Variants in NOC3L observed in about 807,000 individuals in gnomAD.
The protein encoded by NOC3L is nucleolar complex protein 3 homolog.
NOC3L carries 85 observed loss-of-function variants against 102.5 expected under a neutral mutation model. That is an observed-to-expected ratio of 0.83 (90% CI 0.70 to 0.99). NOC3L has a LOEUF of 0.99. Ranked by LOEUF, NOC3L falls within the 50% of genes least tolerant of loss-of-function variation. The pLI is 0.00. For missense variants in NOC3L, 878 were observed against 914.9 expected (o/e 0.96, Z 0.52); for synonymous variants, 303 against 309.4 (o/e 0.98, Z 0.22).
intron 10 of NOC3L, among the ~76,000 whole-genome samples, chr10:94,347,055 G>C (rs1013835335): frequency 6.6e-6 from 1 of 152,118 alleles, no homozygotes; most frequent in African/African-American, 2.4e-5. Context: ...AACTAATTTG[G>C]AAACTGGTGT....
rs1307395008 is a variant in NOC3L, at chr10:94,344,466, T to G, written c.1520A>C (p.Lys507Thr). The G allele has an allele frequency of 2.5e-6, 4 of 1,613,802 alleles. No individual in the cohort carries two copies. Among genetic ancestry groups the G allele is most frequent in the Non-Finnish European group, 3.4e-6 (4 of 1,179,824 alleles). Residue 507 changes from lysine to threonine, a missense_variant, in exon 13 of 21, where the codon AAG becomes ACG. Coordinates refer to ENST00000371361, the MANE Select transcript of NOC3L (RefSeq NM_022451.11). ...CAGGAGAGGTGACCTCTGGGCCTTC[T>G]TCAATATTCTGAAGTAGGTTACAAA... ...IVFVTYFRILKKAQRSPLLPA... is the reference protein window; with the variant it reads ...IVFVTYFRILTKAQRSPLLPA...
chr10:94,348,828 T>C (rs770839012), intron 10 of NOC3L, among the ~76,000 whole-genome samples: 1 of 152,052 alleles, frequency 6.6e-6, no homozygotes, highest in Non-Finnish European at 1.5e-5. Context: ...AAAAATAATA[T>C]GGCCAAAATG....
At position 94,356,522 on chromosome 10, in the gene NOC3L, A is replaced by G; in HGVS notation, c.565+13T>C. 6.6e-7 allele frequency: 1 copy of G among 1,522,038 alleles called. No individual in the cohort carries two copies. 94.3% of individuals were successfully genotyped at this position (1,522,038 alleles called of 1,614,324 possible). A position where few individuals can be genotyped will look rare whatever the true frequency, so the allele number is the denominator to read the frequency against. On this transcript the variant is annotated intron_variant, in intron 5 of 20. Transcript: ENST00000371361. The stretch of plus-strand genomic sequence containing the variant: ...TCTCAATTAACAATTTAGTAACTGT[A>G]AAGACATATTACCTTCCTCAAGTTC...
chr10:94,324,000 C>G, the NOC3L span, among the ~76,000 whole-genome samples: 1 of 152,188 alleles, frequency 6.6e-6, no homozygotes, highest in Admixed American at 6.5e-5. Flanking sequence ...ACTTTCATGT[C>G]TGTGAGCGCT....
chr10:94,320,346 T>C, the NOC3L span, among the ~76,000 whole-genome samples: 1 of 151,412 alleles, frequency 6.6e-6, no homozygotes, highest in East Asian at 1.9e-4. Context: ...AAATAGATTA[T>C]ATATCTTTAT....
At chr10:94,347,451 C>T (rs1241626748) in intron 10 of NOC3L, among the ~76,000 whole-genome samples, 4 of 152,128 alleles carry the variant, frequency 2.6e-5, no homozygotes, top group Non-Finnish European at 4.4e-5. Context: ...TCTAGCATCA[C>T]GAAAGTTAAA....
At chr10:94,327,054 C>T in the NOC3L span, among the ~76,000 whole-genome samples, 1 of 152,002 alleles carries the variant, frequency 6.6e-6, no homozygotes, top group Non-Finnish European at 1.5e-5. Flanking sequence ...CCCAGCTACT[C>T]GGGAGGCTGA....
intron 2 of NOC3L, among the ~76,000 whole-genome samples, chr10:94,359,141 T>C (rs2054523135): frequency 6.6e-6 from 1 of 152,196 alleles, no homozygotes; most frequent in African/African-American, 2.4e-5. Flanking sequence ...CTCGTAAATC[T>C]TGGCTGAGCG....
At chr10:94,354,683 A>C (rs2054461830) in intron 6 of NOC3L, among the ~76,000 whole-genome samples, 1 of 152,202 alleles carries the variant, frequency 6.6e-6, no homozygotes, top group Admixed American at 6.5e-5. Context: ...TATAAATTTA[A>C]ACATTTTTAG....
chr10:94,341,526 T>C (rs1432267196), intron 14 of NOC3L, 147 bp downstream of exon 14: 7 of 395,138 alleles, frequency 1.8e-5, no homozygotes, highest in African/African-American at 4.2e-5. Flanking sequence ...GTGGTAATCA[T>C]ATGATCATAG....
At chr10:94,338,230 T>C (rs1329754674) in intron 18 of NOC3L, among the ~76,000 whole-genome samples, 1 of 152,240 alleles carries the variant, frequency 6.6e-6, no homozygotes, top group Non-Finnish European at 1.5e-5. Context: ...GTAGGATCAC[T>C]GCATAGGTGA....
rs774725524 is a variant in NOC3L, at chr10:94,340,517, G to A, written c.1645-21C>T. On this transcript the variant is annotated intron_variant, in intron 14 of 20. Transcript: ENST00000371361. ...AGGTCCTTTAAAAAAAAAAGGGGGG[G>A]GTGAGGGGGATGGAATATTAAGAAT... 1.7e-5 allele frequency: 19 copies of A among 1,143,240 alleles called. 1 individual carries two copies. Among genetic ancestry groups the A allele is most frequent in the African/African-American group, 6.5e-5 (4 of 61,856 alleles). 70.8% of individuals were successfully genotyped at this position (1,143,240 alleles called of 1,614,324 possible).
At chr10:94,319,471 C>T in the NOC3L span, among the ~76,000 whole-genome samples, 1 of 152,288 alleles carries the variant, frequency 6.6e-6, no homozygotes, top group South Asian at 2.1e-4. Context: ...TTCAGTTGCT[C>T]TCTGTGACCT....
Position 94,337,758 on chromosome 10 carries a change from A to G in NOC3L, c.2189+19T>C. ...AGCTCAATTCTGTAGTTTTAGAATA[A>G]GGCAATGCTAAATATTACCTTCGAC... On this transcript the variant is annotated intron_variant, in intron 19 of 20. Transcript: ENST00000371361. The G allele has an allele frequency of 6.5e-7, 1 of 1,531,766 alleles. No homozygotes were observed. The highest frequency in any genetic ancestry group is 9.0e-7 in the Non-Finnish European group (1 of 1,106,384). The allele number at this position is 1,531,766 out of a possible 1,614,324, so 94.9% of individuals were successfully genotyped here.
downstream of NOC3L, chr10:94,328,962 T>C (rs180741845): frequency 2.8e-4 from 42 of 152,360 alleles, no homozygotes; most frequent in Admixed American, 7.2e-4. Flanking sequence ...CAAAAGTAGA[T>C]TGAGTTGGCG....
chr10:94,362,737 G>T (rs376234663), intron 1 of NOC3L, 93 bp downstream of exon 1: 4 of 1,393,462 alleles, frequency 2.9e-6, no homozygotes, highest in Admixed American at 3.4e-5. Flanking sequence ...CCCTAGACAC[G>T]GGTGAAAACC....
chr10:94,324,649 A>G, the NOC3L span: 1 of 1,222,916 alleles, frequency 8.2e-7, no homozygotes, highest in African/African-American at 1.5e-5. Flanking sequence ...GAAGCTGGTG[A>G]AATTTAGGAG....
chr10:94,344,450 T>A lies in NOC3L; in HGVS notation c.1536A>T (p.Ser512=). 1 of 1,613,634 alleles carries A rather than the reference T, an allele frequency of 6.2e-7. No individual in the cohort carries two copies. The change falls in exon 13 of 21, where the codon TCA becomes TCT. Residue 512 remains serine, a synonymous_variant. Transcript: ENST00000371361. ...CTTCTAGAACTGCTGGCAGGAGAGGTGACCTCTGGGCCTTCTTCAATATTC... is the reference window on the plus strand; with the variant it reads ...CTTCTAGAACTGCTGGCAGGAGAGGAGACCTCTGGGCCTTCTTCAATATTC... ...YFRILKKAQR[S]PLLPAVLEGL...
intron 8 of NOC3L, among the ~76,000 whole-genome samples, chr10:94,352,050 C>T (rs574101955): frequency 5.3e-4 from 80 of 152,310 alleles, no homozygotes; most frequent in Admixed American, 1.4e-3. Flanking sequence ...TCAGTTACTT[C>T]TTACAATAAT....
Sources: allele counts gnomAD v4.1 joint callset (sites outside exome capture counted in the v4.1 genomes callset), GRCh38; gene constraint gnomAD v4.1.1; transcripts MANE v1.5; gene names NCBI Gene and HGNC (gene_info 2026-07-23, HGNC 2026-07-21).